Variants in NBPF14 observed in about 807,000 individuals in gnomAD.
The protein encoded by NBPF14 is NBPF family member NBPF14.
A neutral mutation model predicts 91.2 loss-of-function variants in NBPF14; 104 were observed. That is an observed-to-expected ratio of 1.14 (90% CI 0.97 to 1.34). The LOEUF (loss-of-function observed/expected upper bound fraction) is 1.34. Ranked by LOEUF, NBPF14 falls within the 40% of genes most tolerant of loss-of-function variation. NBPF14 has a pLI of 0.00. For missense variants in NBPF14, 908 were observed against 783.0 expected, an observed-to-expected ratio of 1.16 and a Z score of -1.91; for synonymous variants, 294 against 303.8, an observed-to-expected ratio of 0.97 and a Z score of 0.34.
chr1:148,534,250 C>G (rs77415543), intron 69 of NBPF14, among the ~76,000 whole-genome samples: 6 of 151,478 alleles, frequency 4.0e-5, no homozygotes, highest in Non-Finnish European at 5.9e-5. Flanking sequence ...TTCCAATCAA[C>G]GTAAAGCAAA....
chr1:148,533,370 G>T, intron 70 of NBPF14, 122 bp from the exon 71 acceptor site: 2 of 555,164 alleles, frequency 3.6e-6, no homozygotes, highest in South Asian at 4.3e-5. Flanking sequence ...AACCATTAAT[G>T]AGGTAAAAAA....
intron 36 of NBPF14, among the ~76,000 whole-genome samples, 174 bp from the exon 37 acceptor site, chr1:148,560,139 C>A (rs1490494677): frequency 9.3e-5 from 14 of 151,046 alleles, no homozygotes; most frequent in Admixed American, 8.6e-4. Flanking sequence ...AGGTAGAAAA[C>A]AATGAAAGAG....
rs1426160894 is a variant in NBPF14, at chr1:148,593,788, C to T, written c.176-88G>A. On this transcript the variant is annotated intron_variant, in intron 2 of 70. Transcript: ENST00000619423. ...TACAGGGCAGGAGCCAGGTCCATCC[C>T]AAGGACAAAACTCTCCCCAGTACCA... 6 of 1,059,504 alleles carry T rather than the reference C, an allele frequency of 5.7e-6. No individual in the cohort carries two copies. In the African/African-American group the frequency reaches 1.0e-4, roughly 18 times the overall value. 65.6% of individuals were successfully genotyped at this position (1,059,504 alleles called of 1,614,324 possible).
Position 148,533,946 on chromosome 1 carries a change from T to G in NBPF14, c.8638A>C (p.Lys2880Gln), listed in dbSNP as rs1204017838. ...TTTGATCTTCTTCCCCTTCTTTTTT[T>G]CCCCTTCCCCTTCTTTTCAATTTCT... Residue 2880 changes from lysine to glutamine, a missense_variant, in exon 70 of 71, where the codon AAA (lysine) becomes CAA (glutamine). Around this residue, in one of 13 missense-constraint regions of NBPF14, gnomAD observed 279 missense variants for 107.7 expected, o/e 2.59. Transcript: ENST00000619423. 5.4e-4 allele frequency: 394 copies of G among 726,446 alleles called. 1 individual carries two copies. Among genetic ancestry groups the G allele is most frequent in the Non-Finnish European group, 8.8e-4 (350 of 399,874 alleles). The allele number at this position is 726,446 out of a possible 1,614,324, so 45.0% of individuals were successfully genotyped here. A position where few individuals can be genotyped will look rare whatever the true frequency, so the allele number is the denominator to read the frequency against.
intron 2 of NBPF14, among the ~76,000 whole-genome samples, chr1:148,593,959 G>A (rs1405557530): frequency 1.3e-5 from 2 of 149,856 alleles, no homozygotes; most frequent in East Asian, 1.9e-4. Flanking sequence ...ACGAAGTGGA[G>A]TCAGAACTCA....
intron 39 of NBPF14, among the ~76,000 whole-genome samples, chr1:148,557,989 A>G (rs1410552272): frequency 3.2e-5 from 1 of 31,318 alleles, no homozygotes; most frequent in Admixed American, 4.2e-4. Context: ...AATTTTTTAC[A>G]TCTGCCTGGG....
Position 148,566,328 on chromosome 1 carries a change from G to C in NBPF14, c.3543-13C>G, listed in dbSNP as rs1403751816. ...CTCCCTGCTGAGCCTGGAAAAGGAG[G>C]AAAAGGTAAAGAATAAGCCAGGGGA... On this transcript the variant is annotated splice_polypyrimidine_tract_variant and intron_variant, in intron 28 of 70. Coordinates refer to ENST00000619423, the Ensembl canonical transcript of NBPF14. 1.2e-5 allele frequency: 9 copies of C among 774,762 alleles called. 2 individuals are homozygous for C. Among genetic ancestry groups the C allele is most frequent in the Non-Finnish European group, 1.8e-5 (8 of 443,882 alleles). The allele number at this position is 774,762 out of a possible 1,614,324, so 48.0% of individuals were successfully genotyped here. A position where few individuals can be genotyped will look rare whatever the true frequency, so the allele number is the denominator to read the frequency against.
chr1:148,579,166 A>G, exon 13 of NBPF14: 1 of 459,640 alleles, frequency 2.2e-6, no homozygotes, highest in Non-Finnish European at 3.7e-6. Flanking sequence ...TTCAGGAGGA[A>G]TTGAGAGAGT....
At chr1:148,561,924 C>A (rs1467385038) in intron 34 of NBPF14, among the ~76,000 whole-genome samples, 2 of 124,394 alleles carry the variant, frequency 1.6e-5, no homozygotes, top group African/African-American at 8.7e-5. Flanking sequence ...CCTCAGGACA[C>A]ACAGCATACA....
Position 148,595,523 on chromosome 1 carries a change from G to A in NBPF14, c.175+20C>T. 1.3e-6 allele frequency: 2 copies of A among 1,559,932 alleles called. 1 individual carries two copies. ...GGATATCATTCATCACTTTCATGAT[G>A]GTGAGCCTATAGATCTTACTGTATT... On this transcript the variant is annotated intron_variant, in intron 2 of 70. Coordinates refer to ENST00000619423, the Ensembl canonical transcript of NBPF14.
intron 2 of NBPF14, among the ~76,000 whole-genome samples, chr1:148,594,302 G>C (rs2149589077): frequency 7.1e-6 from 1 of 141,684 alleles, no homozygotes; most frequent in East Asian, 1.9e-4. Context: ...ATTTAGATTA[G>C]TTGTGTTAAT....
At chr1:148,557,094 A>G (rs1332425141) in intron 40 of NBPF14, among the ~76,000 whole-genome samples, 21 of 76,330 alleles carry the variant, frequency 2.8e-4, no homozygotes, top group Non-Finnish European at 4.0e-4. Context: ...ACACAGAGAG[A>G]GAGAGAGAAC....
chr1:148,566,537 ACACAAAC>A lies in NBPF14; in HGVS notation c.3543-229_3543-223del, dbSNP rs1658396924. Among the ~76,000 whole-genome samples, 54 of 120,720 alleles carry A rather than the reference ACACAAAC, an allele frequency of 4.5e-4. 1 individual carries two copies. The highest frequency in any genetic ancestry group is 9.5e-4 in the Non-Finnish European group (49 of 51,436). The allele number at this position is 120,720 out of a possible 152,430, so 79.2% of individuals were successfully genotyped here. A position where few individuals can be genotyped will look rare whatever the true frequency, so the allele number is the denominator to read the frequency against. Reference sequence around the variant, plus strand: ...CACACACACACACACACACACACACACACAAACACACACACACACACAGAGAACGAGC... The same window carrying A: ...CACACACACACACACACACACACACAACACACACACACACAGAGAACGAGC... On this transcript the variant is annotated intron_variant, in intron 28 of 70. Transcript: ENST00000619423.
rs1381898888 is a variant in NBPF14 at position 148,589,625 on chromosome 1, G to A, written c.779-232C>T. ...ACTTCTACACTTTTCTTGCTTATACGTTTCTATAAAGCAAGGCTTGGCCCT... is the reference window on the plus strand; with the variant it reads ...ACTTCTACACTTTTCTTGCTTATACATTTCTATAAAGCAAGGCTTGGCCCT... On this transcript the variant is annotated intron_variant, in intron 6 of 70. Transcript: ENST00000619423. 1.4e-4 allele frequency among the ~76,000 whole-genome samples: 14 copies of A among 97,008 alleles called. 1 individual carries two copies. The East Asian group carries it at 2.0e-3, about 14-fold the overall frequency. 63.6% of individuals were successfully genotyped at this position (97,008 alleles called of 152,430 possible).
rs1170557981 is a variant in NBPF14 at position 148,535,539 on chromosome 1, G to T, written c.8390-35C>A. ...GTTCAGACATGGACAGACATATTAA[G>T]CTGGTTCTCCTACACACATAACAAT... is the stretch of plus-strand genomic sequence containing the variant. On this transcript the variant is annotated intron_variant, in intron 67 of 70. Transcript: ENST00000619423. 50 of 344,220 alleles carry T rather than the reference G, an allele frequency of 1.5e-4. 1 individual carries two copies. The East Asian group carries it at 2.7e-3, about 18-fold the overall frequency. The allele number at this position is 344,220 out of a possible 1,614,324, so 21.3% of individuals were successfully genotyped here.
At chr1:148,595,560 T>C (rs1464231702) in exon 2 of NBPF14, 15 of 1,583,776 alleles carry the variant, frequency 9.5e-6, no homozygotes, top group South Asian at 2.2e-5. Flanking sequence ...CTTCTGTTGG[T>C]TGGCCAGGAA....
At chr1:148,559,956 C>G in exon 37 of NBPF14, 2 of 1,361,826 alleles carry the variant, frequency 1.5e-6, no homozygotes, top group Non-Finnish European at 2.0e-6. Flanking sequence ...GCAGCAGCTC[C>G]CTGCTGAGCC....
chr1:148,534,801 C>G lies in NBPF14; in HGVS notation c.8497G>C (p.Asp2833His), dbSNP rs1276376154. The change falls in exon 69 of 71, where the codon GAT becomes CAT. Residue 2833 changes from aspartate (D) to histidine (H), a missense_variant. By Grantham distance (81) the Asp-to-His change is moderately conservative. This residue lies in a region of NBPF14 where 279 missense variants were observed against 107.7 expected (regional missense o/e 2.59). Coordinates refer to ENST00000619423, the Ensembl canonical transcript of NBPF14. ...CCTGAAGGAGTCGAATAACATCTATCCAGTGAGTCCTGCAAGACTTCAGGA... is the reference window on the plus strand; with the variant it reads ...CCTGAAGGAGTCGAATAACATCTATGCAGTGAGTCCTGCAAGACTTCAGGA... 4.1e-6 allele frequency: 4 copies of G among 968,802 alleles called. 1 individual carries two copies. Among genetic ancestry groups the G allele is most frequent in the Admixed American group, 3.5e-5 (2 of 57,788 alleles). The allele number at this position is 968,802 out of a possible 1,614,324, so 60.0% of individuals were successfully genotyped here. A position where few individuals can be genotyped will look rare whatever the true frequency, so the allele number is the denominator to read the frequency against.
chr1:148,572,676 G>T lies in NBPF14; in HGVS notation c.2586-61C>A, dbSNP rs1257976271. The T allele has an allele frequency of 1.9e-5, 13 of 675,672 alleles. 3 individuals carry two copies. The highest frequency in any genetic ancestry group is 1.6e-4 in the South Asian group (11 of 66,922). 41.9% of individuals were successfully genotyped at this position (675,672 alleles called of 1,614,324 possible). A position where few individuals can be genotyped will look rare whatever the true frequency, so the allele number is the denominator to read the frequency against. ...GGGAATCAGAAACCACACAGCCCCA[G>T]CTAGATTTCATGGCTAACGTAAGGA... On this transcript the variant is annotated intron_variant, in intron 20 of 70. Coordinates refer to ENST00000619423, the Ensembl canonical transcript of NBPF14.
Sources: allele counts gnomAD v4.1 joint callset (sites outside exome capture counted in the v4.1 genomes callset), GRCh38; gene constraint gnomAD v4.1.1; regional missense constraint gnomAD v4.1.1; transcripts MANE v1.5; gene names NCBI Gene and HGNC (gene_info 2026-07-23, HGNC 2026-07-21).